ANKRD31: variants seen among roughly 807,000 people sequenced by gnomAD.
ANKRD31 encodes the protein ankyrin repeat domain 31.
Under a neutral mutation model 186.0 loss-of-function variants are expected in ANKRD31, and 147 were observed. The observed-to-expected ratio is 0.79, with a 90% CI of 0.69 to 0.91. ANKRD31 has a LOEUF of 0.91. ANKRD31 is among the 40% of genes least tolerant of loss of function. ANKRD31 has a pLI of 0.00. For synonymous variants in ANKRD31, 673 were observed against 736.4 expected, an observed-to-expected ratio of 0.91 and a Z score of 1.39; for missense variants, 1,986 against 2,148.8, an observed-to-expected ratio of 0.92 and a Z score of 1.50.
chr5:75,153,639 C>T (rs1751978947), intron 12 of ANKRD31, among the ~76,000 whole-genome samples: 1 of 151,988 alleles, frequency 6.6e-6, no homozygotes, highest in East Asian at 1.9e-4. Context: ...AAAGGGAGAG[C>T]CATTGCAGAG....
chr5:75,176,669 G>A (rs540744761), intron 10 of ANKRD31, among the ~76,000 whole-genome samples: 3 of 152,324 alleles, frequency 2.0e-5, no homozygotes, highest in African/African-American at 4.8e-5. Context: ...TGCAGCTGAG[G>A]TTCCTGACTG....
chr5:75,116,794 A>C (rs1180586132), intron 18 of ANKRD31, 113 bp from the exon 19 acceptor site: 2 of 494,936 alleles, frequency 4.0e-6, no homozygotes, highest in Non-Finnish European at 6.4e-6. Context: ...AACTATTATA[A>C]TATCTTAACC....
chr5:75,206,410 C>T lies in ANKRD31; in HGVS notation c.403+1G>A, dbSNP rs1756243392. The T allele has an allele frequency of 1.4e-6, 2 of 1,460,814 alleles. No individual in the cohort carries two copies. The highest frequency in any genetic ancestry group is 5.2e-5 in the East Asian group (2 of 38,300). 90.5% of individuals were successfully genotyped at this position (1,460,814 alleles called of 1,614,324 possible). On this transcript the variant is annotated splice_donor_variant, in intron 5 of 25. Transcript: ENST00000506364. LOFTEE classifies it high-confidence loss of function. ...TATATGACTCTACCATGAAAACATA[C>T]CTTCAATATTTTGGTGGTTCAATGA...
intron 1 of ANKRD31, among the ~76,000 whole-genome samples, chr5:75,232,922 T>C (rs1226432508): frequency 6.6e-6 from 1 of 152,226 alleles, no homozygotes; most frequent in Non-Finnish European, 1.5e-5. Flanking sequence ...GAGAATTCTG[T>C]ACAAACAGAT....
intron 2 of ANKRD31, 78 bp from the exon 3 acceptor site, chr5:75,222,436 G>A (rs775959766): frequency 2.2e-5 from 21 of 974,464 alleles, no homozygotes; most frequent in Middle Eastern, 2.1e-4. Context: ...AATTTTATAC[G>A]CATGCAAAAT....
rs114498935 is a variant in ANKRD31 at position 75,111,065 on chromosome 5, T to A, written c.4243+1448A>T. 9.8e-4 allele frequency among the ~76,000 whole-genome samples: 148 copies of A among 151,758 alleles called. 1 individual carries two copies. The highest frequency in any genetic ancestry group is 3.4e-3 in the African/African-American group (140 of 41,432). ...AAATGTTCAACAAAAAGGGAAAAAT[T>A]TAGGAAGCTGTGGAACATTTATTAA... is the stretch of plus-strand genomic sequence containing the variant. On this transcript the variant is annotated intron_variant, in intron 20 of 25. Coordinates refer to ENST00000506364, the MANE Select transcript of ANKRD31 (RefSeq NM_001372053.1).
chr5:75,087,225 T>G (rs1343354475), intron 23 of ANKRD31, among the ~76,000 whole-genome samples: 1 of 152,172 alleles, frequency 6.6e-6, no homozygotes, highest in Non-Finnish European at 1.5e-5. Context: ...AATCTGTTCG[T>G]GGATGGCCAG....
At chr5:75,140,184 A>C (rs1750904081) in intron 15 of ANKRD31, among the ~76,000 whole-genome samples, 1 of 150,954 alleles carries the variant, frequency 6.6e-6, no homozygotes, top group African/African-American at 2.5e-5. Context: ...AGCCTGGGCA[A>C]CAGAGATACA....
At chr5:75,139,767 G>C (rs1055462528) in intron 15 of ANKRD31, among the ~76,000 whole-genome samples, 1 of 152,148 alleles carries the variant, frequency 6.6e-6, no homozygotes, top group Non-Finnish European at 1.5e-5. Flanking sequence ...CTGAACTCAC[G>C]CACTCCACAC....
chr5:75,235,641 C>A (rs138950293), intron 1 of ANKRD31, among the ~76,000 whole-genome samples: 1 of 152,306 alleles, frequency 6.6e-6, no homozygotes, highest in African/African-American at 2.4e-5. Context: ...CACCTCCCAG[C>A]CCTGCCCCAA....
At chr5:75,203,273 T>C (rs1205333878) in intron 5 of ANKRD31, among the ~76,000 whole-genome samples, 1 of 152,180 alleles carries the variant, frequency 6.6e-6, no homozygotes, top group East Asian at 1.9e-4. Context: ...CTATAGGACA[T>C]AGTGGAACCC....
chr5:75,123,592 A>C (rs1041060524), intron 17 of ANKRD31, among the ~76,000 whole-genome samples: 18 of 152,244 alleles, frequency 1.2e-4, no homozygotes, highest in South Asian at 4.1e-4. Flanking sequence ...AAAAACAGAC[A>C]CATAGATCAA....
intron 3 of ANKRD31, among the ~76,000 whole-genome samples, chr5:75,212,266 T>C (rs1187774509): frequency 2.6e-5 from 4 of 152,118 alleles, no homozygotes; most frequent in Non-Finnish European, 4.4e-5. Flanking sequence ...GTTCTAAGTT[T>C]TAATATTTCC....
intron 4 of ANKRD31, among the ~76,000 whole-genome samples, chr5:75,209,399 G>C (rs1377837036): frequency 6.6e-6 from 1 of 152,094 alleles, no homozygotes. Flanking sequence ...CATCATGGCT[G>C]CACACGGTGG....
intron 10 of ANKRD31, among the ~76,000 whole-genome samples, chr5:75,182,939 G>C (rs1275663392): frequency 1.3e-5 from 2 of 152,090 alleles, no homozygotes; most frequent in Non-Finnish European, 2.9e-5. Context: ...AGTCAATGAT[G>C]GGTCAGGGGG....
chr5:75,236,636 T>C lies in ANKRD31; in HGVS notation c.51A>G (p.Ile17Met), dbSNP rs1758293027. 1 of 1,537,314 alleles carries C rather than the reference T, an allele frequency of 6.5e-7. No homozygotes were observed. The highest frequency in any genetic ancestry group is 8.7e-7 in the Non-Finnish European group (1 of 1,146,870). The stretch of plus-strand genomic sequence containing the variant: ...GGTCGCTCTCCGTCACTGAACCCTC[T>C]ATCACAGTTTCATCACTGTCCCAGT... ...APDWDSDETV[I>M]EGSVTESDLE... The change falls in exon 1 of 26, where the codon ATA (isoleucine) becomes ATG (methionine). Residue 17 changes from isoleucine to methionine, a missense_variant. By Grantham distance (10) the Ile-to-Met change is conservative (BLOSUM62 1). Coordinates refer to ENST00000506364, the MANE Select transcript of ANKRD31 (RefSeq NM_001372053.1).
At chr5:75,081,667 G>A (rs904251410) in intron 24 of ANKRD31, among the ~76,000 whole-genome samples, 3 of 151,848 alleles carry the variant, frequency 2.0e-5, no homozygotes, top group Admixed American at 2.0e-4. Flanking sequence ...TGTTTGGGGT[G>A]GGTGGTGGGG....
chr5:75,118,373 T>C, intron 17 of ANKRD31, 76 bp from the exon 18 acceptor site: 1 of 1,221,734 alleles, frequency 8.2e-7, no homozygotes, highest in Non-Finnish European at 1.1e-6. Context: ...CAAACACCAC[T>C]GCCAAGCATT....
At chr5:75,097,571 G>C (rs1746433800) in intron 22 of ANKRD31, among the ~76,000 whole-genome samples, 1 of 152,094 alleles carries the variant, frequency 6.6e-6, no homozygotes, top group Admixed American at 6.5e-5. Flanking sequence ...TTTGTCAGAT[G>C]GGTAGATTGT....
Sources: allele counts gnomAD v4.1 joint callset (sites outside exome capture counted in the v4.1 genomes callset), GRCh38; gene constraint gnomAD v4.1.1; transcripts MANE v1.5; gene names NCBI Gene and HGNC (gene_info 2026-07-23, HGNC 2026-07-21).